Variants in DLGAP1 observed in about 807,000 individuals in gnomAD.
The protein encoded by DLGAP1 is DLG associated protein 1.
DLGAP1 carries 11 observed loss-of-function variants against 90.8 expected under a neutral mutation model. The ratio of observed to expected loss-of-function variants is 0.12; its 90% CI spans 0.08 to 0.20. The LOEUF is 0.20. DLGAP1 is among the 10% of genes least tolerant of loss of function. The pLI is 1.00. For synonymous variants in DLGAP1, 558 were observed against 540.7 expected, an observed-to-expected ratio of 1.03 and a Z score of -0.44; for missense variants, 1,050 against 1,333.8, an observed-to-expected ratio of 0.79 and a Z score of 3.31.
At chr18:4,123,981 G>A (rs946424926) in intron 2 of DLGAP1, among the ~76,000 whole-genome samples, 31 of 152,126 alleles carry the variant, frequency 2.0e-4, no homozygotes, top group African/African-American at 6.8e-4. Context: ...TTAAAGATGC[G>A]CTCCTAGAGG....
chr18:3,506,334 A>T (rs1367180812), intron 11 of DLGAP1, among the ~76,000 whole-genome samples: 1 of 151,738 alleles, frequency 6.6e-6, no homozygotes, highest in Non-Finnish European at 1.5e-5. Context: ...ACCAACATGG[A>T]GAAACCCTGT....
intron 1 of DLGAP1, among the ~76,000 whole-genome samples, chr18:4,317,278 C>A (rs60080931): frequency 3.3e-5 from 5 of 152,076 alleles, no homozygotes; most frequent in East Asian, 1.9e-4. Context: ...ACACATTCAC[C>A]GGCTTATTTA....
intron 9 of DLGAP1, among the ~76,000 whole-genome samples, chr18:3,541,538 CA>C (rs1381236095): frequency 6.6e-6 from 1 of 152,130 alleles, no homozygotes; most frequent in African/African-American, 2.4e-5. Context: ...GGGACTGATC[CA>C]AAGCTCCTGG....
At chr18:4,347,357 T>A (rs1019096564) in intron 1 of DLGAP1, among the ~76,000 whole-genome samples, 2 of 152,032 alleles carry the variant, frequency 1.3e-5, no homozygotes, top group Admixed American at 6.6e-5. Flanking sequence ...TGAGCCAGAA[T>A]AACGTTGATA....
intron 2 of DLGAP1, among the ~76,000 whole-genome samples, chr18:4,044,376 A>T (rs1460822560): frequency 6.6e-6 from 1 of 152,218 alleles, no homozygotes; most frequent in African/African-American, 2.4e-5. Flanking sequence ...GAACACTCAA[A>T]TCAGCACAGA....
intron 2 of DLGAP1, among the ~76,000 whole-genome samples, chr18:4,067,240 C>A (rs182805498): frequency 3.6e-4 from 54 of 152,028 alleles, no homozygotes; most frequent in African/African-American, 1.3e-3. Flanking sequence ...GGCTTAATAC[C>A]TGAGTGATGA....
chr18:4,082,174 C>A (rs544571639), intron 2 of DLGAP1, among the ~76,000 whole-genome samples: 1 of 151,952 alleles, frequency 6.6e-6, no homozygotes, highest in East Asian at 1.9e-4. Flanking sequence ...AATCCTGCCT[C>A]TACTAAAATA....
chr18:3,886,136 G>A (rs187793559), intron 3 of DLGAP1, among the ~76,000 whole-genome samples: 38 of 152,248 alleles, frequency 2.5e-4, no homozygotes, highest in Admixed American at 1.8e-3. Flanking sequence ...GGATGGACAG[G>A]CAGGCAATTG....
Position 4,084,847 on chromosome 18 carries a change from G to A in DLGAP1, c.-159+66333C>T, listed in dbSNP as rs570131561. 2.0e-5 allele frequency among the ~76,000 whole-genome samples: 3 copies of A among 152,210 alleles called. No homozygotes were observed. Among genetic ancestry groups the A allele is most frequent in the African/African-American group, 7.2e-5 (3 of 41,532 alleles). Reference sequence around the variant, plus strand: ...GTTTGATTTTTAGACCCAGCCAAGGGACCCTAGGAAGAGTGAAGGAAAGCC... The same window carrying A: ...GTTTGATTTTTAGACCCAGCCAAGGAACCCTAGGAAGAGTGAAGGAAAGCC... On this transcript the variant is annotated intron_variant, in intron 2 of 12. Coordinates refer to ENST00000315677, the MANE Select transcript of DLGAP1 (RefSeq NM_004746.4). This position sits in a 1 kb window ranked among gnomAD's most constrained non-coding sequence, Gnocchi z 4.0.
intron 4 of DLGAP1, among the ~76,000 whole-genome samples, chr18:3,824,938 G>A (rs2067628006): frequency 6.6e-6 from 1 of 152,160 alleles, no homozygotes; most frequent in Non-Finnish European, 1.5e-5. Context: ...ATATTTTGGT[G>A]TCCTCATGCA....
intron 7 of DLGAP1, among the ~76,000 whole-genome samples, chr18:3,678,028 C>A (rs1355503260): frequency 1.4e-5 from 2 of 140,832 alleles, no homozygotes; most frequent in Non-Finnish European, 3.0e-5. Flanking sequence ...ATGGTGCAAT[C>A]TTGGCTCACT....
At chr18:3,682,102 G>A (rs2146905418) in intron 7 of DLGAP1, among the ~76,000 whole-genome samples, 1 of 145,660 alleles carries the variant, frequency 6.9e-6, no homozygotes, top group South Asian at 2.2e-4. Context: ...TGGGTGACAG[G>A]CGAGACCCTG....
At chr18:3,590,985 T>C (rs1464424559) in intron 7 of DLGAP1, among the ~76,000 whole-genome samples, 2 of 152,164 alleles carry the variant, frequency 1.3e-5, no homozygotes, top group African/African-American at 4.8e-5. Flanking sequence ...ACAAAAATTA[T>C]GGGTTTGTTT....
In DLGAP1 at chr18:4,342,712, A is replaced by G. The variant is rs2081219333; in HGVS notation, c.-267+112294T>C. On this transcript the variant is annotated intron_variant, in intron 1 of 12. Transcript: ENST00000315677. This position sits in a 1 kb window ranked among gnomAD's most constrained non-coding sequence, Gnocchi z 5.8. ...GCAGATGTATGTTGAAAGATTTGAC[A>G]TATCATTCTTATACCTGCTTGCTTA... Among the ~76,000 whole-genome samples, 1 of 152,218 alleles carries G rather than the reference A, an allele frequency of 6.6e-6. No homozygotes were observed. Among genetic ancestry groups the G allele is most frequent in the African/African-American group, 2.4e-5 (1 of 41,460 alleles).
At chr18:4,124,367 T>G (rs1207987648) in intron 2 of DLGAP1, among the ~76,000 whole-genome samples, 1 of 152,256 alleles carries the variant, frequency 6.6e-6, no homozygotes, top group Non-Finnish European at 1.5e-5. Context: ...ATAATCCTCA[T>G]GCCTCTAAAA....
chr18:3,567,941 C>G (rs544938288), intron 8 of DLGAP1, among the ~76,000 whole-genome samples: 42 of 152,230 alleles, frequency 2.8e-4, no homozygotes, highest in African/African-American at 1.0e-3. Flanking sequence ...CTCTGTCGCC[C>G]GGGCTGGAGT....
intron 1 of DLGAP1, among the ~76,000 whole-genome samples, chr18:4,244,795 G>C (rs1303747991): frequency 1.3e-5 from 2 of 152,112 alleles, no homozygotes; most frequent in African/African-American, 4.8e-5. Context: ...ATAGGTGCCG[G>C]GGCATAACAC....
chr18:4,445,199 A>G lies in DLGAP1; in HGVS notation c.-267+9807T>C, dbSNP rs16946809. 5.8e-3 allele frequency among the ~76,000 whole-genome samples: 883 copies of G among 152,272 alleles called. 9 individuals are homozygous for G. The highest frequency in any genetic ancestry group is 0.02 in the African/African-American group (819 of 41,552). On this transcript the variant is annotated intron_variant, in intron 1 of 12. Transcript: ENST00000315677. ...TTACTACAAATCAGTTCCCTATTCC[A>G]AATGCTTAGATGTTCCAGTAATGTC...
chr18:3,997,357 T>A (rs995307765), intron 3 of DLGAP1, among the ~76,000 whole-genome samples: 1 of 104,962 alleles, frequency 9.5e-6, no homozygotes, highest in Non-Finnish European at 2.0e-5. Context: ...AGAAAAGTAT[T>A]TTCTAAAATC....
Sources: gnomAD v4.1 joint callset for allele counts (sites outside exome capture counted in the v4.1 genomes callset) on GRCh38, gnomAD v4.1.1 for gene constraint, Gnocchi (gnomAD v3.1) non-coding constraint, MANE v1.5 for transcripts, NCBI Gene and HGNC (gene_info 2026-07-23, HGNC 2026-07-21) for gene names.